The following GALNT13 variants were observed in gnomAD, a reference collection of about 807,000 sequenced individuals.
GALNT13 encodes UDP-GalNAc:polypeptide N-acetylgalactosaminyltransferase 13.
Under a neutral mutation model 64.2 loss-of-function variants are expected in GALNT13, and 28 were observed. The observed-to-expected ratio is 0.44, with a 90% CI of 0.32 to 0.60. The LOEUF (loss-of-function observed/expected upper bound fraction) is 0.60. GALNT13 is among the 20% of genes least tolerant of loss of function. The pLI, the probability that GALNT13 is intolerant of heterozygous loss-of-function variation, is 0.05. For missense variants in GALNT13, 577 were observed against 669.8 expected, an observed-to-expected ratio of 0.86 and a Z score of 1.53; for synonymous variants, 214 against 224.6, an observed-to-expected ratio of 0.95 and a Z score of 0.42.
rs189793355 is a variant in GALNT13, at chr2:154,151,774, A to G, written c.311+11269A>G. Among the ~76,000 whole-genome samples, 137 of 151,424 alleles carry G rather than the reference A, an allele frequency of 9.0e-4. No homozygotes were observed. The Middle Eastern group carries it at 0.01, about 11-fold the overall frequency. On this transcript the variant is annotated intron_variant, in intron 4 of 12. Transcript: ENST00000392825. ...CAATCCCTGCCTTTTTTTGTTTTCC[A>G]TTTGCTTGGTAGATCTTCCTCCATC...
chr2:153,438,813 C>G, the GALNT13 span, among the ~76,000 whole-genome samples: 1 of 151,802 alleles, frequency 6.6e-6, no homozygotes, highest in Non-Finnish European at 1.5e-5. Context: ...CTGAAGCCTT[C>G]TTCTCTCATC....
At chr2:154,118,878 A>C (rs979124113) in intron 3 of GALNT13, among the ~76,000 whole-genome samples, 12 of 152,210 alleles carry the variant, frequency 7.9e-5, no homozygotes, top group African/African-American at 2.9e-4. Flanking sequence ...TGATGCCAGA[A>C]TTGGTAACAT....
the GALNT13 span, among the ~76,000 whole-genome samples, chr2:153,104,037 A>G: frequency 1.3e-5 from 2 of 152,138 alleles, no homozygotes; most frequent in African/African-American, 4.8e-5. Flanking sequence ...TGTCACACTC[A>G]TCTTTATATC....
chr2:153,546,446 A>T, the GALNT13 span, among the ~76,000 whole-genome samples: 1 of 152,144 alleles, frequency 6.6e-6, no homozygotes, highest in African/African-American at 2.4e-5. Flanking sequence ...TCCTACTGAA[A>T]TATGAGCATA....
the GALNT13 span, among the ~76,000 whole-genome samples, chr2:153,598,437 C>G: frequency 6.6e-6 from 1 of 151,970 alleles, no homozygotes. Flanking sequence ...AATTATCATC[C>G]TATCTAAAGC....
intron 9 of GALNT13, among the ~76,000 whole-genome samples, chr2:154,324,409 C>T (rs1694777694): frequency 6.6e-6 from 1 of 151,844 alleles, no homozygotes; most frequent in African/African-American, 2.4e-5. Context: ...GGAGGATATT[C>T]AGCAATACAA....
intron 4 of GALNT13, chr2:154,236,069 T>C: frequency 8.0e-7 from 1 of 1,242,404 alleles, no homozygotes. Flanking sequence ...AGAACAGCAT[T>C]AGTGTACATC....
chr2:154,442,713 T>A (rs1320586476), intron 12 of GALNT13, among the ~76,000 whole-genome samples: 1 of 152,140 alleles, frequency 6.6e-6, no homozygotes, highest in African/African-American at 2.4e-5. Flanking sequence ...TTAGAATATT[T>A]CCCTATGATA....
the GALNT13 span, among the ~76,000 whole-genome samples, chr2:153,361,738 C>G: frequency 2.6e-5 from 4 of 152,164 alleles, no homozygotes; most frequent in Admixed American, 1.3e-4. Flanking sequence ...AAGACCAAAC[C>G]TATGATTGAT....
chr2:153,506,675 C>T, the GALNT13 span, among the ~76,000 whole-genome samples: 1 of 152,238 alleles, frequency 6.6e-6, no homozygotes, highest in East Asian at 1.9e-4. Flanking sequence ...ACCCCAATCC[C>T]TTCTAGCTTG....
intron 11 of GALNT13, among the ~76,000 whole-genome samples, chr2:154,434,116 T>C (rs1190789432): frequency 3.3e-5 from 5 of 152,234 alleles, no homozygotes; most frequent in African/African-American, 1.2e-4. Context: ...AAGATCTTGA[T>C]CTTGGACTTC....
chr2:153,394,677 C>T, the GALNT13 span, among the ~76,000 whole-genome samples: 1 of 152,120 alleles, frequency 6.6e-6, no homozygotes, highest in African/African-American at 2.4e-5. Flanking sequence ...AAGATAGGTA[C>T]TGCCATGTTA....
the GALNT13 span, among the ~76,000 whole-genome samples, chr2:153,773,847 C>T: frequency 6.6e-6 from 1 of 152,060 alleles, no homozygotes; most frequent in Non-Finnish European, 1.5e-5. Context: ...CTCTTTTTAA[C>T]TTTAACTTTT....
intron 4 of GALNT13, among the ~76,000 whole-genome samples, chr2:154,185,938 T>G (rs1573833651): frequency 6.6e-6 from 1 of 152,126 alleles, no homozygotes; most frequent in East Asian, 1.9e-4. Context: ...TACTGTTCAT[T>G]TGGAAAATAT....
chr2:154,224,533 A>G (rs1688487686), intron 4 of GALNT13, among the ~76,000 whole-genome samples: 1 of 152,124 alleles, frequency 6.6e-6, no homozygotes. Context: ...ATATTAAAAG[A>G]TAGTATAAAG....
chr2:153,302,526 T>C, the GALNT13 span, among the ~76,000 whole-genome samples: 4 of 152,192 alleles, frequency 2.6e-5, no homozygotes, highest in Non-Finnish European at 5.9e-5. Flanking sequence ...TGTCGTCTCT[T>C]CAGTCTGTTG....
the GALNT13 span, among the ~76,000 whole-genome samples, chr2:153,619,316 T>A: frequency 6.6e-6 from 1 of 152,126 alleles, no homozygotes; most frequent in South Asian, 2.1e-4. Flanking sequence ...GTAAAAACTC[T>A]ATGCCTTAAA....
At chr2:154,009,413 A>T (rs1342458221) in intron 3 of GALNT13, among the ~76,000 whole-genome samples, 1 of 151,644 alleles carries the variant, frequency 6.6e-6, no homozygotes, top group Non-Finnish European at 1.5e-5. Flanking sequence ...CTTTTAAAAT[A>T]CTTTTTAAAA....
chr2:154,030,944 A>G (rs1698296446), intron 3 of GALNT13, among the ~76,000 whole-genome samples: 1 of 152,190 alleles, frequency 6.6e-6, no homozygotes, highest in Non-Finnish European at 1.5e-5. Context: ...GTGTGAAAAC[A>G]GACTAGTATA....
Sources: allele counts gnomAD v4.1 joint callset (sites outside exome capture counted in the v4.1 genomes callset), GRCh38; gene constraint gnomAD v4.1.1; transcripts MANE v1.5; gene names NCBI Gene and HGNC (gene_info 2026-07-23, HGNC 2026-07-21).